TENM2: variants seen among roughly 807,000 people sequenced by gnomAD.
TENM2 encodes teneurin-2.
Under a neutral mutation model 245.2 loss-of-function variants are expected in TENM2, and 52 were observed. That is an observed-to-expected ratio of 0.21 (90% CI 0.17 to 0.27). The LOEUF (loss-of-function observed/expected upper bound fraction) is 0.27. TENM2 is among the 10% of genes least tolerant of loss of function. The pLI is 1.00. For missense variants in TENM2, 3,046 were observed against 3,666.8 expected (o/e 0.83, Z 4.37); for synonymous variants, 1,363 against 1,438.9 (o/e 0.95, Z 1.19).
the TENM2 span, among the ~76,000 whole-genome samples, chr5:167,231,053 G>T: frequency 6.6e-6 from 1 of 152,136 alleles, no homozygotes; most frequent in African/African-American, 2.4e-5. Context: ...CCATGAAGAG[G>T]TGCCTTCTGC....
chr5:167,059,610 T>G, the TENM2 span, among the ~76,000 whole-genome samples: 2 of 152,096 alleles, frequency 1.3e-5, no homozygotes, highest in Non-Finnish European at 2.9e-5. Flanking sequence ...ATCTGGGAGT[T>G]GATAACCACT....
intron 1 of TENM2, among the ~76,000 whole-genome samples, chr5:167,368,222 T>G (rs1218650158): frequency 6.6e-6 from 1 of 152,206 alleles, no homozygotes; most frequent in Non-Finnish European, 1.5e-5. Context: ...CATTTACTAT[T>G]AGAACTAGGC....
intron 3 of TENM2, among the ~76,000 whole-genome samples, chr5:167,940,717 GA>G (rs1421157614): frequency 2.0e-5 from 3 of 152,150 alleles, no homozygotes; most frequent in Non-Finnish European, 2.9e-5. Flanking sequence ...GAATCTGCAG[GA>G]AAGAGACGAA....
chr5:167,062,484 A>G, the TENM2 span, among the ~76,000 whole-genome samples: 1 of 136,750 alleles, frequency 7.3e-6, no homozygotes, highest in Admixed American at 7.1e-5. Flanking sequence ...CTAAGACTCC[A>G]TGTCCAAGAA....
At chr5:167,737,466 A>G (rs1481032396) in intron 2 of TENM2, among the ~76,000 whole-genome samples, 1 of 152,138 alleles carries the variant, frequency 6.6e-6, no homozygotes, top group Non-Finnish European at 1.5e-5. Flanking sequence ...CCATGCTGGT[A>G]CCTCCCAGGA....
At chr5:168,008,213 G>A (rs766957704) in intron 5 of TENM2, among the ~76,000 whole-genome samples, 10 of 152,152 alleles carry the variant, frequency 6.6e-5, no homozygotes, top group Admixed American at 1.3e-4. Flanking sequence ...AATGGGCCAA[G>A]AATCATTCCA....
intron 3 of TENM2, chr5:167,934,877 C>T (rs977935299): frequency 5.1e-6 from 5 of 985,530 alleles, no homozygotes; most frequent in South Asian, 4.7e-5. Context: ...AGTACGCGTT[C>T]GGCAGGACGG....
chr5:167,749,410 C>G (rs1212215851), intron 2 of TENM2, among the ~76,000 whole-genome samples: 1 of 152,008 alleles, frequency 6.6e-6, no homozygotes, highest in African/African-American at 2.4e-5. Context: ...GAGGCCGAAG[C>G]GGGCAGATCA....
At chr5:167,329,398 A>AG (rs1392875594) in intron 1 of TENM2, among the ~76,000 whole-genome samples, 6 of 150,374 alleles carry the variant, frequency 4.0e-5, no homozygotes, top group Non-Finnish European at 7.4e-5. Context: ...ACAAAAAAAA[A>AG]AAAAATAGCC....
chr5:167,859,677 T>C, intron 2 of TENM2, among the ~76,000 whole-genome samples: 1 of 90,164 alleles, frequency 1.1e-5, no homozygotes. Context: ...CAGCCGCCCC[T>C]ACTGGGAAGT....
intron 2 of TENM2, among the ~76,000 whole-genome samples, chr5:167,820,485 G>A (rs1767430940): frequency 6.6e-6 from 1 of 152,196 alleles, no homozygotes; most frequent in Non-Finnish European, 1.5e-5. Flanking sequence ...CTGCAGCCAG[G>A]ACCTTGGCAG....
chr5:167,588,192 A>C (rs1775633419), intron 2 of TENM2, among the ~76,000 whole-genome samples: 1 of 152,220 alleles, frequency 6.6e-6, no homozygotes. Context: ...TGTCCACTGG[A>C]TAACGTAATA....
chr5:167,138,544 T>TA, the TENM2 span, among the ~76,000 whole-genome samples: 4,232 of 152,332 alleles, frequency 0.028, 211 homozygotes, highest in African/African-American at 0.095. Flanking sequence ...CATTGAACTT[T>TA]ACCTAGCCTC....
At chr5:167,493,680 G>A (rs900234227) in intron 2 of TENM2, among the ~76,000 whole-genome samples, 2 of 152,092 alleles carry the variant, frequency 1.3e-5, no homozygotes, top group South Asian at 2.1e-4. Flanking sequence ...TTTAGTCAGT[G>A]AGAAAGTACT....
the TENM2 span, among the ~76,000 whole-genome samples, chr5:167,134,063 A>C: frequency 4.6e-5 from 7 of 152,220 alleles, no homozygotes; most frequent in Non-Finnish European, 2.9e-5. Flanking sequence ...TATCCATAGA[A>C]TAGTCATCAA....
the TENM2 span, among the ~76,000 whole-genome samples, chr5:167,238,812 T>C: frequency 0.07 from 10,624 of 152,204 alleles, 1,240 homozygotes; most frequent in African/African-American, 0.24. Flanking sequence ...ATGATCTTTC[T>C]TCACTGATCA....
At chr5:167,292,991 A>G (rs562792403) in intron 1 of TENM2, among the ~76,000 whole-genome samples, 3 of 152,316 alleles carry the variant, frequency 2.0e-5, no homozygotes, top group African/African-American at 7.2e-5. Context: ...AGGATGTCAA[A>G]GAAGTGTAGG....
chr5:167,208,342 C>T, the TENM2 span, among the ~76,000 whole-genome samples: 1 of 152,136 alleles, frequency 6.6e-6, no homozygotes, highest in Non-Finnish European at 1.5e-5. Flanking sequence ...TCATTTTAAG[C>T]TAATACTAAA....
At chr5:167,740,335 G>A (rs1340769726) in intron 2 of TENM2, among the ~76,000 whole-genome samples, 1 of 152,146 alleles carries the variant, frequency 6.6e-6, no homozygotes, top group Non-Finnish European at 1.5e-5. Flanking sequence ...TTGCATTTCA[G>A]CTTAAGGCAG....
Sources: allele counts gnomAD v4.1 joint callset (sites outside exome capture counted in the v4.1 genomes callset), GRCh38; gene constraint gnomAD v4.1.1; transcripts MANE v1.5; gene names NCBI Gene and HGNC (gene_info 2026-07-23, HGNC 2026-07-21).